Variants in RBFOX1 observed in about 807,000 individuals in gnomAD.
The protein encoded by RBFOX1 is RNA binding fox-1 homolog 1, also known as RNA binding protein fox-1 homolog 1.
Under a neutral mutation model 57.7 loss-of-function variants are expected in RBFOX1, and 8 were observed. That is an observed-to-expected ratio of 0.14 (90% CI 0.08 to 0.25). RBFOX1 has a LOEUF of 0.25. RBFOX1 is among the 10% of genes least tolerant of loss of function. The pLI, the probability that RBFOX1 is intolerant of heterozygous loss-of-function variation, is 1.00. For synonymous variants in RBFOX1, 326 were observed against 222.4 expected (o/e 1.47, Z -4.15); for missense variants, 611 against 548.5 (o/e 1.11, Z -1.14).
rs372671375 is a variant in RBFOX1, at chr16:7,709,623, C to T, written c.1071+492C>T. The T allele has an allele frequency of 7.0e-4, 1,079 of 1,531,714 alleles. 24 individuals carry two copies. In the South Asian group the frequency reaches 0.011, roughly 16 times the overall value. The allele number at this position is 1,531,714 out of a possible 1,614,324, so 94.9% of individuals were successfully genotyped here. ...TACAATTCATGTTTAAAGTCATAGTCGCCCAGGAAAGAAAATAGAGAGGGG... is the reference window on the plus strand; with the variant it reads ...TACAATTCATGTTTAAAGTCATAGTTGCCCAGGAAAGAAAATAGAGAGGGG... On this transcript the variant is annotated intron_variant, in intron 15 of 15. Transcript: ENST00000550418.
intron 1 of RBFOX1, among the ~76,000 whole-genome samples, chr16:6,026,693 C>A (rs2095202041): frequency 6.6e-6 from 1 of 152,220 alleles, no homozygotes; most frequent in South Asian, 2.1e-4. Flanking sequence ...TGTGTAAGAG[C>A]CTCGCTAGAT....
chr16:7,710,508 G>C (rs377021672), intron 15 of RBFOX1, 115 bp from the exon 16 acceptor site: 2 of 1,568,714 alleles, frequency 1.3e-6, no homozygotes, highest in East Asian at 4.7e-5. Context: ...TGGGTAGGGG[G>C]TGCCTCCATT....
At chr16:6,560,126 C>G (rs1471812997) in intron 2 of RBFOX1, among the ~76,000 whole-genome samples, 1 of 148,224 alleles carries the variant, frequency 6.7e-6, no homozygotes, top group East Asian at 2.0e-4. Flanking sequence ...GGGGTAATCA[C>G]TCTGTTATTC....
At chr16:6,057,298 G>T (rs2095626360) in intron 1 of RBFOX1, among the ~76,000 whole-genome samples, 2 of 151,692 alleles carry the variant, frequency 1.3e-5, no homozygotes, top group Non-Finnish European at 2.9e-5. Flanking sequence ...TAATGACCTG[G>T]GTTTTTTTTT....
intron 4 of RBFOX1, among the ~76,000 whole-genome samples, chr16:7,372,416 C>T (rs922650582): frequency 4.6e-5 from 7 of 152,176 alleles, no homozygotes; most frequent in Non-Finnish European, 1.0e-4. Flanking sequence ...TGAAGTTCTC[C>T]TTATGCCTCT....
At chr16:6,599,696 C>T (rs574013487) in intron 2 of RBFOX1, among the ~76,000 whole-genome samples, 9 of 152,216 alleles carry the variant, frequency 5.9e-5, no homozygotes, top group African/African-American at 1.7e-4. Context: ...TGCTGTGGAG[C>T]CGAACTTCTC....
intron 1 of RBFOX1, among the ~76,000 whole-genome samples, chr16:6,206,410 G>C (rs2097255674): frequency 6.6e-6 from 1 of 152,112 alleles, no homozygotes. Flanking sequence ...ATCTCAGTGT[G>C]ATTGCTTCCT....
intron 4 of RBFOX1, among the ~76,000 whole-genome samples, chr16:7,265,958 G>GTTTTTTT (rs201372502): frequency 9.3e-6 from 1 of 107,604 alleles, no homozygotes. Context: ...GATCTGGTGG[G>GTTTTTTT]TTTTTGTTTT....
intron 2 of RBFOX1, among the ~76,000 whole-genome samples, chr16:5,540,545 C>A (rs925298864): frequency 2.0e-5 from 3 of 152,138 alleles, no homozygotes; most frequent in Admixed American, 6.5e-5. Flanking sequence ...AGTATAACCC[C>A]GGGAAATCCA....
In RBFOX1 at chr16:5,631,212, G is replaced by C. The variant is rs374933351; in HGVS notation, c.318+32251G>C. On this transcript the variant is annotated intron_variant, in intron 3 of 19. Transcript: ENST00000641259. ...GTTGATGATGATGATGTTGGTGGCT[G>C]ATGTTACTGGTCAGGGTCTTAGAGG... Among the ~76,000 whole-genome samples the C allele has an allele frequency of 9.8e-5, 15 of 152,310 alleles. No individual in the cohort carries two copies. In the East Asian group the frequency reaches 2.9e-3, roughly 29 times the overall value.
intron 2 of RBFOX1, among the ~76,000 whole-genome samples, chr16:5,475,544 C>G (rs555312336): frequency 4.3e-4 from 66 of 152,302 alleles, no homozygotes; most frequent in Middle Eastern, 3.4e-3. Flanking sequence ...AGCTAAATGT[C>G]AATAATTTAT....
At chr16:7,340,342 G>C (rs554571114) in intron 4 of RBFOX1, among the ~76,000 whole-genome samples, 12 of 152,286 alleles carry the variant, frequency 7.9e-5, no homozygotes, top group East Asian at 7.7e-4. Flanking sequence ...TAATTATCCT[G>C]ATCACTTGTT....
rs142885111 is a variant in RBFOX1, at chr16:7,300,890, A to C, written c.28-217257A>C. Among the ~76,000 whole-genome samples the C allele has an allele frequency of 4.2e-3, 644 of 152,330 alleles. 17 individuals carry two copies. Among genetic ancestry groups the C allele is most frequent in the Admixed American group, 0.035 (543 of 15,302 alleles). On this transcript the variant is annotated intron_variant, in intron 4 of 15. Coordinates refer to ENST00000550418, the MANE Select transcript of RBFOX1 (RefSeq NM_018723.4). Reference sequence around the variant, plus strand: ...TGGGGTATGTATAACCATTCCATTAAGGGTCCTTGTAGCTGAAATGCAGGC... The same window carrying C: ...TGGGGTATGTATAACCATTCCATTACGGGTCCTTGTAGCTGAAATGCAGGC...
Position 7,218,667 on chromosome 16 carries a change from T to TGTGTGCGTGC in RBFOX1, c.27+166574_27+166575insCGTGCGTGTG, listed in dbSNP as rs1555586817. Among the ~76,000 whole-genome samples the TGTGTGCGTGC allele has an allele frequency of 4.8e-3, 709 of 148,196 alleles. 9 individuals carry two copies. Among genetic ancestry groups the TGTGTGCGTGC allele is most frequent in the African/African-American group, 0.016 (653 of 39,632 alleles). On this transcript the variant is annotated intron_variant, in intron 4 of 15. Coordinates refer to ENST00000550418, the MANE Select transcript of RBFOX1 (RefSeq NM_018723.4). ...GTGTGTGTGTGTGTGTGTGTGTGTG[T>TGTGTGCGTGC]GTGTGTGTGTGTGTCCTTTTGTTCC...
intron 1 of RBFOX1, among the ~76,000 whole-genome samples, chr16:6,303,013 A>G (rs2079006024): frequency 6.6e-6 from 1 of 152,150 alleles, no homozygotes. Context: ...CCCCACTGCC[A>G]TTGATTCTGT....
At chr16:6,868,072 G>C (rs1214069858) in intron 3 of RBFOX1, among the ~76,000 whole-genome samples, 1 of 151,976 alleles carries the variant, frequency 6.6e-6, no homozygotes, top group African/African-American at 2.4e-5. Flanking sequence ...TTGCCGTATG[G>C]GTGTTGAGAA....
chr16:7,698,038 G>A (rs1345781690), intron 14 of RBFOX1, among the ~76,000 whole-genome samples: 3 of 152,070 alleles, frequency 2.0e-5, no homozygotes, highest in Non-Finnish European at 2.9e-5. Flanking sequence ...GGGAAGAGAG[G>A]GTTAAACAGG....
At chr16:6,899,176 G>A (rs1033094158) in intron 3 of RBFOX1, among the ~76,000 whole-genome samples, 2 of 143,464 alleles carry the variant, frequency 1.4e-5, no homozygotes, top group Non-Finnish European at 3.1e-5. Flanking sequence ...GTATGTGTGT[G>A]TATAATATGT....
chr16:7,587,599 T>A (rs996501499), intron 7 of RBFOX1, among the ~76,000 whole-genome samples: 9 of 152,222 alleles, frequency 5.9e-5, no homozygotes, highest in African/African-American at 2.2e-4. Flanking sequence ...GTGATAATTA[T>A]GTTCTTTATA....
Sources: allele counts gnomAD v4.1 joint callset (sites outside exome capture counted in the v4.1 genomes callset), GRCh38; gene constraint gnomAD v4.1.1; transcripts MANE v1.5; gene names NCBI Gene and HGNC (gene_info 2026-07-23, HGNC 2026-07-21).